Variants in FREM3 observed in about 807,000 individuals in gnomAD.
FREM3 encodes FRAS1-related extracellular matrix protein 3.
Under a neutral mutation model 129.1 loss-of-function variants are expected in FREM3, and 105 were observed. The observed-to-expected ratio is 0.81, with a 90% confidence interval of 0.69 to 0.96. The LOEUF is 0.96. Ranked by LOEUF, FREM3 falls within the 40% of genes least tolerant of loss-of-function variation. FREM3 has a pLI of 0.00. For synonymous variants in FREM3, 1,014 were observed against 1,044.9 expected (o/e 0.97, Z 0.57); for missense variants, 2,593 against 2,666.3 (o/e 0.97, Z 0.61).
intron 2 of FREM3, among the ~76,000 whole-genome samples, chr4:143,655,558 G>A (rs1421991993): frequency 6.6e-6 from 1 of 152,094 alleles, no homozygotes; most frequent in East Asian, 1.9e-4. Context: ...GATGGTTTTG[G>A]TCAATTTACA....
chr4:143,675,916 A>G (rs897883376), intron 2 of FREM3, among the ~76,000 whole-genome samples: 1 of 152,118 alleles, frequency 6.6e-6, no homozygotes, highest in African/African-American at 2.4e-5. Context: ...ACCAACCAAA[A>G]AAAGTCCAGG....
At chr4:143,612,558 G>T (rs1017772303) in intron 5 of FREM3, among the ~76,000 whole-genome samples, 1 of 152,132 alleles carries the variant, frequency 6.6e-6, no homozygotes, top group Non-Finnish European at 1.5e-5. Context: ...GGTATGTATA[G>T]GTTGTTGCAA....
chr4:143,634,280 A>C (rs1739196540), intron 2 of FREM3, among the ~76,000 whole-genome samples: 1 of 152,132 alleles, frequency 6.6e-6, no homozygotes, highest in African/African-American at 2.4e-5. Context: ...TTTCTGAGAG[A>C]GAGGTTTAAA....
At chr4:143,592,451 C>G (rs1738383030) in intron 6 of FREM3, among the ~76,000 whole-genome samples, 2 of 152,184 alleles carry the variant, frequency 1.3e-5, no homozygotes. Context: ...GACAAAATCT[C>G]TCAGCATTTG....
At chr4:143,647,371 A>C (rs1256556064) in intron 2 of FREM3, among the ~76,000 whole-genome samples, 2 of 152,230 alleles carry the variant, frequency 1.3e-5, no homozygotes, top group African/African-American at 2.4e-5. Flanking sequence ...CTGCTGCATA[A>C]ATTTGCATAA....
intron 6 of FREM3, among the ~76,000 whole-genome samples, chr4:143,589,097 T>G (rs998433819): frequency 1.3e-5 from 2 of 152,242 alleles, no homozygotes; most frequent in African/African-American, 2.4e-5. Context: ...GGTTGTTTTT[T>G]TCTTGTAAAT....
At chr4:143,691,339 A>G (rs539260851) in intron 2 of FREM3, among the ~76,000 whole-genome samples, 1 of 152,142 alleles carries the variant, frequency 6.6e-6, no homozygotes, top group Non-Finnish European at 1.5e-5. Flanking sequence ...TGGGTACATG[A>G]AAATCTCACA....
At chr4:143,664,943 A>G (rs1739827393) in intron 2 of FREM3, among the ~76,000 whole-genome samples, 3 of 152,162 alleles carry the variant, frequency 2.0e-5, no homozygotes, top group Admixed American at 6.5e-5. Context: ...CCGTCGGAAA[A>G]GTGCAGTATT....
chr4:143,626,060 G>A (rs897089358), intron 3 of FREM3, among the ~76,000 whole-genome samples: 11 of 152,112 alleles, frequency 7.2e-5, no homozygotes, highest in African/African-American at 2.7e-4. Flanking sequence ...CCTGTGGTTC[G>A]ACTATTAGCC....
rs1166921356 is a variant in FREM3 at position 143,697,250 on chromosome 4, T to A, written c.3426A>T (p.Arg1142Ser). The change falls in exon 1 of 8, where the codon AGA becomes AGT. Residue 1142 changes from arginine (R) to serine (S), a missense_variant. By Grantham distance (110) the Arg-to-Ser change is moderately radical. Coordinates refer to ENST00000329798, the MANE Select transcript of FREM3 (RefSeq NM_001168235.2). ...SGSPISAFSL[R>S]DIQVRHINYV... Reference sequence around the variant, plus strand: ...AATTGATATGCCTCACTTGGATATCTCTGAGGGAGAAAGCACTGATAGGGC... The same window carrying A: ...AATTGATATGCCTCACTTGGATATCACTGAGGGAGAAAGCACTGATAGGGC... 1 of 1,537,614 alleles carries A rather than the reference T, an allele frequency of 6.5e-7. No homozygotes were observed. The highest frequency in any genetic ancestry group is 1.2e-5 in the South Asian group (1 of 84,060).
chr4:143,665,912 TG>T (rs1388007755), intron 2 of FREM3, among the ~76,000 whole-genome samples: 1 of 152,124 alleles, frequency 6.6e-6, no homozygotes, highest in East Asian at 1.9e-4. Flanking sequence ...TTTCTCAACA[TG>T]TTTATTGTTA....
At position 143,585,818 on chromosome 4, in the gene FREM3, A is replaced by G; in HGVS notation, c.6178+26T>C. The G allele has an allele frequency of 6.5e-7, 1 of 1,535,728 alleles. No homozygotes were observed. Among genetic ancestry groups the G allele is most frequent in the Non-Finnish European group, 8.7e-7 (1 of 1,145,780 alleles). On this transcript the variant is annotated intron_variant, in intron 7 of 7. Coordinates refer to ENST00000329798, the MANE Select transcript of FREM3 (RefSeq NM_001168235.2). The surrounding 1 kb of genome is among the most constrained non-coding windows in gnomAD (Gnocchi z 4.2). ...ACCATAAACATGTATCATGATAATG[A>G]TATATTCTTTAAGTGGCCCTCTCAC...
chr4:143,664,087 T>C (rs541610512), intron 2 of FREM3, among the ~76,000 whole-genome samples: 46 of 152,278 alleles, frequency 3.0e-4, no homozygotes, highest in Non-Finnish European at 5.4e-4. Flanking sequence ...TCTCAACTCA[T>C]CAAAGTCATT....
chr4:143,602,447 G>A (rs778764791), intron 6 of FREM3, among the ~76,000 whole-genome samples: 23 of 152,136 alleles, frequency 1.5e-4, no homozygotes, highest in Non-Finnish European at 2.6e-4. Flanking sequence ...GTGGCAAAAT[G>A]TGAATATCTG....
chr4:143,627,499 G>A, intron 3 of FREM3, 115 bp downstream of exon 3: 1 of 941,270 alleles, frequency 1.1e-6, no homozygotes, highest in Non-Finnish European at 1.6e-6. Flanking sequence ...CTTTTTTAGA[G>A]ATTTCTCCAA....
intron 6 of FREM3, among the ~76,000 whole-genome samples, chr4:143,592,654 C>A (rs549630644): frequency 1.1e-4 from 17 of 152,328 alleles, no homozygotes; most frequent in African/African-American, 3.1e-4. Flanking sequence ...CCCGACCTTT[C>A]TCTCTGGCTG....
chr4:143,674,765 T>C (rs983142436), intron 2 of FREM3, among the ~76,000 whole-genome samples: 5 of 152,098 alleles, frequency 3.3e-5, no homozygotes, highest in Non-Finnish European at 7.3e-5. Flanking sequence ...AAACACACTT[T>C]AAACCAACAA....
intron 5 of FREM3, among the ~76,000 whole-genome samples, chr4:143,614,901 A>G (rs1484686447): frequency 1.3e-5 from 2 of 152,248 alleles, no homozygotes; most frequent in Non-Finnish European, 2.9e-5. Flanking sequence ...AGCTGGATCC[A>G]GCATACCACT....
intron 2 of FREM3, among the ~76,000 whole-genome samples, chr4:143,634,319 G>A (rs78574377): frequency 1.3e-5 from 2 of 152,238 alleles, no homozygotes; most frequent in Non-Finnish European, 2.9e-5. Context: ...TAACAATAGA[G>A]AGCTAAATAT....
Sources: gnomAD v4.1 joint callset for allele counts (sites outside exome capture counted in the v4.1 genomes callset) on GRCh38, gnomAD v4.1.1 for gene constraint, Gnocchi (gnomAD v3.1) non-coding constraint, MANE v1.5 for transcripts, NCBI Gene and HGNC (gene_info 2026-07-23, HGNC 2026-07-21) for gene names.